Variants in ERBB4 observed in about 807,000 individuals in gnomAD.
ERBB4 encodes receptor tyrosine-protein kinase erbB-4.
Under a neutral mutation model 158.0 loss-of-function variants are expected in ERBB4, and 42 were observed. The ratio of observed to expected loss-of-function variants is 0.27; its 90% CI spans 0.21 to 0.34. The LOEUF (loss-of-function observed/expected upper bound fraction) is 0.34, where lower values mean the gene tolerates loss of function less well. ERBB4 is among the 10% of genes least tolerant of loss of function. The pLI is 1.00. For synonymous variants in ERBB4, 583 were observed against 558.7 expected (o/e 1.04, Z -0.61); for missense variants, 1,333 against 1,624.1 (o/e 0.82, Z 3.08).
chr2:211,549,226 A>G (rs1360602230), intron 20 of ERBB4, among the ~76,000 whole-genome samples: 1 of 152,140 alleles, frequency 6.6e-6, no homozygotes, highest in African/African-American at 2.4e-5. Flanking sequence ...CACCCAGAAA[A>G]TAAGTCTCAC....
chr2:212,049,523 G>A (rs2077344836), intron 2 of ERBB4, among the ~76,000 whole-genome samples: 1 of 152,058 alleles, frequency 6.6e-6, no homozygotes, highest in Non-Finnish European at 1.5e-5. Context: ...AGAATACCTA[G>A]GCTATAAACT....
chr2:211,496,591 T>C (rs1030059314), intron 20 of ERBB4, among the ~76,000 whole-genome samples: 2 of 151,890 alleles, frequency 1.3e-5, no homozygotes, highest in Non-Finnish European at 2.9e-5. Context: ...ATAATACTAC[T>C]ACCCTGACAC....
intron 20 of ERBB4, among the ~76,000 whole-genome samples, chr2:211,454,945 T>C (rs2064342570): frequency 6.6e-6 from 1 of 152,252 alleles, no homozygotes; most frequent in African/African-American, 2.4e-5. Context: ...CTGTCAATAT[T>C]GCCTGGCGAG....
intron 1 of ERBB4, among the ~76,000 whole-genome samples, chr2:212,335,195 T>G (rs1352824036): frequency 6.6e-6 from 1 of 151,864 alleles, no homozygotes; most frequent in Non-Finnish European, 1.5e-5. Context: ...ACGATAAAGG[T>G]TCTAAAATTG....
intron 1 of ERBB4, among the ~76,000 whole-genome samples, chr2:212,520,286 G>T (rs946941471): frequency 6.6e-6 from 1 of 151,858 alleles, no homozygotes; most frequent in Non-Finnish European, 1.5e-5. Flanking sequence ...AAAGTAAAAA[G>T]TTGAGTTGAA....
intron 20 of ERBB4, among the ~76,000 whole-genome samples, chr2:211,454,293 A>G (rs2064325240): frequency 6.6e-6 from 1 of 152,250 alleles, no homozygotes; most frequent in Non-Finnish European, 1.5e-5. Context: ...GAGAATATAA[A>G]TTATAACCTA....
At chr2:212,423,067 C>T (rs565069768) in intron 1 of ERBB4, among the ~76,000 whole-genome samples, 33 of 151,732 alleles carry the variant, frequency 2.2e-4, no homozygotes, top group Non-Finnish European at 3.7e-4. Context: ...AGAGGATAAA[C>T]GATGAAAAAT....
At chr2:212,124,995 G>A (rs938007314) in intron 1 of ERBB4, 92 bp from the exon 2 acceptor site, 97 of 1,408,382 alleles carry the variant, frequency 6.9e-5, no homozygotes, top group Non-Finnish European at 9.5e-5. Flanking sequence ...TATTCCACAA[G>A]CCTATCCCAG....
chr2:211,815,888 C>T (rs115707219), intron 3 of ERBB4, among the ~76,000 whole-genome samples: 6,287 of 152,248 alleles, frequency 0.041, 228 homozygotes, highest in Non-Finnish European at 0.062. Flanking sequence ...TGCTTCCTTC[C>T]TCTCCGGCCC....
intron 2 of ERBB4, among the ~76,000 whole-genome samples, chr2:212,054,021 T>A (rs2077478739): frequency 6.6e-6 from 1 of 152,046 alleles, no homozygotes; most frequent in Non-Finnish European, 1.5e-5. Context: ...AAAATCAGGA[T>A]TTTGAGGCCG....
At chr2:211,645,145 G>T (rs957512217) in intron 16 of ERBB4, among the ~76,000 whole-genome samples, 2 of 151,678 alleles carry the variant, frequency 1.3e-5, no homozygotes, top group African/African-American at 4.8e-5. Context: ...AACGACTCTA[G>T]AGAACAAAAG....
chr2:211,784,684 T>C (rs951471392), intron 4 of ERBB4, among the ~76,000 whole-genome samples: 1 of 152,216 alleles, frequency 6.6e-6, no homozygotes, highest in Non-Finnish European at 1.5e-5. Flanking sequence ...CCAGACTATT[T>C]TCCATAGTGG....
At chr2:211,490,300 CATT>C (rs71813319) in intron 20 of ERBB4, among the ~76,000 whole-genome samples, 44,096 of 151,572 alleles carry the variant, frequency 0.29, 6,566 homozygotes, top group East Asian at 0.38. Context: ...TCATGAAACT[CATT>C]ATTTCTTTCT....
chr2:212,387,361 C>T (rs2090710908), intron 1 of ERBB4, among the ~76,000 whole-genome samples: 1 of 152,112 alleles, frequency 6.6e-6, no homozygotes, highest in Admixed American at 6.6e-5. Flanking sequence ...ATTTGGGCCT[C>T]ATGTCTGGAA....
At chr2:211,661,768 G>C (rs535887831) in intron 15 of ERBB4, among the ~76,000 whole-genome samples, 3 of 151,826 alleles carry the variant, frequency 2.0e-5, no homozygotes, top group South Asian at 2.1e-4. Context: ...GGCCGGGCGC[G>C]GTGGCTCACG....
intron 1 of ERBB4, among the ~76,000 whole-genome samples, chr2:212,428,613 T>G (rs966579925): frequency 2.6e-5 from 4 of 152,200 alleles, no homozygotes; most frequent in African/African-American, 7.2e-5. Flanking sequence ...ATTGTACCTA[T>G]AGCTAATAAT....
chr2:212,053,928 A>G (rs2077476572), intron 2 of ERBB4, among the ~76,000 whole-genome samples: 1 of 152,198 alleles, frequency 6.6e-6, no homozygotes. Flanking sequence ...ATTACTTATA[A>G]AATTGTTTAT....
intron 1 of ERBB4, among the ~76,000 whole-genome samples, chr2:212,189,327 C>T (rs1051944314): frequency 2.6e-5 from 4 of 152,106 alleles, no homozygotes; most frequent in Non-Finnish European, 4.4e-5. Flanking sequence ...GGTTCTCTTT[C>T]CTCTACAATA....
At chr2:211,566,095 C>A (rs1288362702) in intron 19 of ERBB4, among the ~76,000 whole-genome samples, 1 of 152,210 alleles carries the variant, frequency 6.6e-6, no homozygotes, top group Non-Finnish European at 1.5e-5. Flanking sequence ...GCAAGGACTT[C>A]AGCATCCTCA....
Sources: allele counts gnomAD v4.1 joint callset (sites outside exome capture counted in the v4.1 genomes callset), GRCh38; gene constraint gnomAD v4.1.1; transcripts MANE v1.5; gene names NCBI Gene and HGNC (gene_info 2026-07-23, HGNC 2026-07-21).